Variants in PABPC1L observed in about 807,000 individuals in gnomAD.
The protein encoded by PABPC1L is poly(A) binding protein cytoplasmic 1 like, also known as polyadenylate-binding protein 1-like.
Under a neutral mutation model 66.6 loss-of-function variants are expected in PABPC1L, and 31 were observed. The ratio of observed to expected loss-of-function variants is 0.47; its 90% CI spans 0.35 to 0.63. The LOEUF is 0.63. Ranked by LOEUF, PABPC1L falls within the 20% of genes least tolerant of loss-of-function variation. The pLI is 0.00. For synonymous variants in PABPC1L, 348 were observed against 335.1 expected, an observed-to-expected ratio of 1.04 and a Z score of -0.42; for missense variants, 722 against 848.8, an observed-to-expected ratio of 0.85 and a Z score of 1.86.
chr20:44,937,513 C>G (rs539648539), intron 12 of PABPC1L, among the ~76,000 whole-genome samples: 1 of 152,124 alleles, frequency 6.6e-6, no homozygotes, highest in East Asian at 1.9e-4. Context: ...CTCCCGGGTT[C>G]AAGTGATTCT....
intron 2 of PABPC1L, 56 bp from the exon 3 acceptor site, chr20:44,916,700 C>T: frequency 1.9e-6 from 3 of 1,556,986 alleles, no homozygotes; most frequent in Non-Finnish European, 2.7e-6. Flanking sequence ...TTTGCCATTC[C>T]TTTCTACCTG....
rs1270449953 is a variant in PABPC1L, at chr20:44,912,665, C to T, written c.199C>T (p.Arg67Trp). 7 of 1,609,798 alleles carry T rather than the reference C, an allele frequency of 4.3e-6. No homozygotes were observed. The highest frequency in any genetic ancestry group is 1.7e-5 in the Admixed American group (1 of 59,882). ...CTCCTCTTCCTTCTGTCCAGCGGAG[C>T]GGGCACTGGACACAATGAACTTTGA... ...INFQQPADAE[R>W]ALDTMNFEML... Residue 67 changes from arginine (R) to tryptophan (W), a missense_variant, in exon 2 of 15, where the codon CGG (arginine) becomes TGG (tryptophan). By Grantham distance (101) the Arg-to-Trp change is moderately radical. This residue lies in a region of PABPC1L where 284 missense variants were observed against 294.8 expected (regional missense o/e 0.96). Transcript: ENST00000217073.
intron 7 of PABPC1L, among the ~76,000 whole-genome samples, chr20:44,926,240 T>A (rs1373941940): frequency 6.6e-6 from 1 of 152,144 alleles, no homozygotes; most frequent in Admixed American, 6.6e-5. Context: ...CTATTTTTTG[T>A]GTGTGTGATG....
intron 7 of PABPC1L, among the ~76,000 whole-genome samples, chr20:44,928,555 G>T (rs1339765059): frequency 1.3e-5 from 2 of 151,942 alleles, no homozygotes; most frequent in Non-Finnish European, 2.9e-5. Flanking sequence ...TTGTATCCAT[G>T]ACCTACCTGA....
chr20:44,932,452 C>A lies in PABPC1L; in HGVS notation c.1330+20C>A. ...CTTCCTGTGAGTGACCCAGCCCCTT[C>A]CACTCTCAGACTGGCCTATTGGTGT... On this transcript the variant is annotated intron_variant, in intron 9 of 14. Coordinates refer to ENST00000217073, the MANE Select transcript of PABPC1L (RefSeq NM_001372179.1). 6.3e-7 allele frequency: 1 copy of A among 1,597,610 alleles called. No homozygotes were observed.
intron 6 of PABPC1L, among the ~76,000 whole-genome samples, chr20:44,922,706 C>A (rs1248235881): frequency 6.6e-6 from 1 of 152,210 alleles, no homozygotes; most frequent in Non-Finnish European, 1.5e-5. Context: ...CTAGATCCTT[C>A]ATGGAGAGGG....
chr20:44,923,924 G>A (rs2066791230), intron 6 of PABPC1L, among the ~76,000 whole-genome samples: 1 of 152,166 alleles, frequency 6.6e-6, no homozygotes, highest in Non-Finnish European at 1.5e-5. Flanking sequence ...TGGTGAGGCT[G>A]GGACCAGTGC....
At position 44,910,155 on chromosome 20, in the gene PABPC1L, C is replaced by T. The variant is rs755621507; in HGVS notation, c.12C>T (p.Ser4=). Residue 4 remains serine, a synonymous_variant, in exon 1 of 15, where the codon AGC becomes AGT. Transcript: ENST00000217073. ...GCCCCCTGCCCACCATGAACGCCAG[C>T]GGTTCTGGCTACCCGCTTGCCTCGC... MNA[S]GSGYPLASLY... 1 of 1,566,002 alleles carries T rather than the reference C, an allele frequency of 6.4e-7. No homozygotes were observed. Among genetic ancestry groups the T allele is most frequent in the South Asian group, 1.2e-5 (1 of 85,342 alleles).
chr20:44,926,437 G>C (rs946440853), intron 7 of PABPC1L, among the ~76,000 whole-genome samples: 2 of 151,612 alleles, frequency 1.3e-5, no homozygotes, highest in African/African-American at 2.4e-5. Context: ...GTGTTGGCCG[G>C]GCTGGTCTCA....
At chr20:44,930,025 C>G (rs1286574683) in intron 7 of PABPC1L, among the ~76,000 whole-genome samples, 2 of 152,096 alleles carry the variant, frequency 1.3e-5, no homozygotes, top group Non-Finnish European at 2.9e-5. Context: ...TGAGTGACCC[C>G]AGACAAGTCA....
Position 44,916,816 on chromosome 20 carries a change from G to A in PABPC1L, c.448G>A (p.Ala150Thr). 6.2e-7 allele frequency: 1 copy of A among 1,614,160 alleles called. No individual in the cohort carries two copies. Among genetic ancestry groups the A allele is most frequent in the Non-Finnish European group, 8.5e-7 (1 of 1,180,030 alleles). ...FGFVHFETHE[A>T]AQQAINTMNG... is the part of the protein sequence containing the mutation. ...CTTTGTCCATTTTGAGACCCATGAG[G>A]CCGCACAGCAGGCCATCAACACCAT... is the stretch of plus-strand genomic sequence containing the variant. Residue 150 changes from alanine to threonine, a missense_variant, in exon 3 of 15, where the codon GCC becomes ACC. Coordinates refer to ENST00000217073, the MANE Select transcript of PABPC1L (RefSeq NM_001372179.1).
In PABPC1L at chr20:44,933,078, C is replaced by T. The variant is rs1341460048; in HGVS notation, c.1352C>T (p.Ser451Leu). Residue 451 changes from serine to leucine, a missense_variant, in exon 10 of 15, where the codon TCA (serine) becomes TTA (leucine). Around this residue, in one of 3 missense-constraint regions of PABPC1L, gnomAD observed 301 missense variants for 337.2 expected, o/e 0.89. Coordinates refer to ENST00000217073, the MANE Select transcript of PABPC1L (RefSeq NM_001372179.1). ...CAAGCTGCCTACCCTCCAGGTGCCT[C>T]AATGGTCCGGCCACCAGTTGTGCCT... is the stretch of plus-strand genomic sequence containing the variant. ...RPSSAYPPGA[S>L]MVRPPVVPRR... The T allele has an allele frequency of 3.8e-6, 6 of 1,594,768 alleles. No homozygotes were observed. The highest frequency in any genetic ancestry group is 5.1e-6 in the Non-Finnish European group (6 of 1,171,534).
chr20:44,930,437 C>CTCTTG (rs776870312), intron 7 of PABPC1L, 23 bp from the exon 8 acceptor site: 1 of 1,601,534 alleles, frequency 6.2e-7, no homozygotes, highest in Non-Finnish European at 8.5e-7. Flanking sequence ...ACCCCAGCAG[C>CTCTTG]TCTTGTCTTG....
intron 5 of PABPC1L, among the ~76,000 whole-genome samples, chr20:44,920,472 T>A (rs887559173): frequency 2.0e-5 from 3 of 152,130 alleles, no homozygotes; most frequent in African/African-American, 7.2e-5. Flanking sequence ...ATTTTATTTT[T>A]ATTTATTTAT....
chr20:44,926,535 T>C (rs1234404867), intron 7 of PABPC1L, among the ~76,000 whole-genome samples: 1 of 150,602 alleles, frequency 6.6e-6, no homozygotes, highest in Non-Finnish European at 1.5e-5. Flanking sequence ...TACATATATA[T>C]ATATATTATA....
Position 44,938,077 on chromosome 20 carries a change from C to A in PABPC1L, c.1677C>A (p.Pro559=). The part of the protein sequence containing the change: ...QKQMIGERLY[P]LIHDVHTQLA... ...TCCACACAGGGGAGCGTCTCTACCC[C>A]CTTATCCATGATGTCCACACCCAGC... Residue 559 remains proline (P), a synonymous_variant, in exon 13 of 15, where the codon CCC becomes CCA. Transcript: ENST00000217073. The A allele has an allele frequency of 6.2e-7, 1 of 1,614,176 alleles. No individual in the cohort carries two copies. Among genetic ancestry groups the A allele is most frequent in the Non-Finnish European group, 8.5e-7 (1 of 1,180,024 alleles).
At chr20:44,925,039 C>A (rs2066799692) in intron 7 of PABPC1L, among the ~76,000 whole-genome samples, 1 of 149,384 alleles carries the variant, frequency 6.7e-6, no homozygotes, top group African/African-American at 2.6e-5. Flanking sequence ...CGGTGAAACC[C>A]CATCTCTACT....
chr20:44,931,041 CT>C (rs2066851931), intron 8 of PABPC1L, among the ~76,000 whole-genome samples: 1 of 55,900 alleles, frequency 1.8e-5, no homozygotes, highest in Admixed American at 1.7e-4. Context: ...CCTCCCTTCC[CT>C]CCCTTCCCTT....
intron 1 of PABPC1L, among the ~76,000 whole-genome samples, chr20:44,911,802 G>A (rs188218783): frequency 1.2e-4 from 18 of 152,314 alleles, no homozygotes; most frequent in Admixed American, 1.0e-3. Flanking sequence ...GCAGAGAGAA[G>A]GGTTTTGCCC....
Sources: allele counts gnomAD v4.1 joint callset (sites outside exome capture counted in the v4.1 genomes callset), GRCh38; gene constraint gnomAD v4.1.1; regional missense constraint gnomAD v4.1.1; transcripts MANE v1.5; gene names NCBI Gene and HGNC (gene_info 2026-07-23, HGNC 2026-07-21).